Variants in PTCHD4 observed in about 807,000 individuals in gnomAD.
PTCHD4 encodes the protein patched domain containing 4.
In PTCHD4, 33 loss-of-function variants were observed where a neutral mutation model predicts 58.1. The ratio of observed to expected loss-of-function variants is 0.57; its 90% confidence interval spans 0.43 to 0.76. The LOEUF (loss-of-function observed/expected upper bound fraction) is 0.76. Among genes scored for constraint, PTCHD4 ranks in the 30% least tolerant of loss-of-function variants. The probability of loss-of-function intolerance (pLI) is 0.00; values close to 1 mark genes in which losing one functional copy is unlikely to be tolerated. For synonymous variants in PTCHD4, 478 were observed against 409.6 expected (o/e 1.17, Z -2.02); for missense variants, 1,058 against 1,027.1 (o/e 1.03, Z -0.41).
chr6:47,987,875 AG>A, intron 4 of PTCHD4, among the ~76,000 whole-genome samples: 1 of 151,678 alleles, frequency 6.6e-6, no homozygotes. Context: ...CTCCAGGTTC[AG>A]GTGATTCTCC....
chr6:47,879,857 T>C lies in PTCHD4; in HGVS notation c.978A>G (p.Ile326Met). Reference sequence around the variant, plus strand: ...CCATCACATCAGAATAGGCATCTGCTATCCTGTCTTTGAAGGGCAAGTTCT... The same window carrying C: ...CCATCACATCAGAATAGGCATCTGCCATCCTGTCTTTGAAGGGCAAGTTCT... Reference protein sequence around the residue: ...TKENLPFKDRIADAYSDVMVT... With the variant: ...TKENLPFKDRMADAYSDVMVT... The change falls in exon 5 of 5, where the codon ATA becomes ATG. Residue 326 changes from isoleucine (I) to methionine (M), a missense_variant. Physicochemically the swap from Ile to Met is conservative, Grantham distance 10. Transcript: ENST00000339488. 6.2e-7 allele frequency: 1 copy of C among 1,606,312 alleles called. No homozygotes were observed. The highest frequency in any genetic ancestry group is 8.5e-7 in the Non-Finnish European group (1 of 1,176,070).
chr6:48,073,067 T>C (rs2113886046), intron 1 of PTCHD4, among the ~76,000 whole-genome samples: 1 of 152,306 alleles, frequency 6.6e-6, no homozygotes, highest in African/African-American at 2.4e-5. Context: ...AGAAGGTTAA[T>C]TTTCACTAAA....
At chr6:47,976,430 G>C (rs1245144414) in intron 4 of PTCHD4, among the ~76,000 whole-genome samples, 1 of 152,098 alleles carries the variant, frequency 6.6e-6, no homozygotes, top group Non-Finnish European at 1.5e-5. Context: ...CAAAGCAGGT[G>C]GATGATGAGG....
chr6:48,018,769 G>A (rs745689686), intron 3 of PTCHD4, among the ~76,000 whole-genome samples: 1 of 152,132 alleles, frequency 6.6e-6, no homozygotes, highest in African/African-American at 2.4e-5. Flanking sequence ...AGATCACAGT[G>A]GTTCTTAAAA....
intron 4 of PTCHD4, among the ~76,000 whole-genome samples, chr6:47,920,319 T>A (rs760893962): frequency 1.3e-5 from 2 of 152,108 alleles, no homozygotes; most frequent in Non-Finnish European, 2.9e-5. Flanking sequence ...ACGATGATGA[T>A]TTAGGATTTT....
In PTCHD4 at chr6:47,867,096, A is replaced by G. The variant is rs1763587462; in HGVS notation, c.*11207T>C. Among the ~76,000 whole-genome samples the G allele has an allele frequency of 1.3e-5, 2 of 151,804 alleles. No homozygotes were observed. The highest frequency in any genetic ancestry group is 4.1e-4 in the South Asian group (2 of 4,824). The stretch of plus-strand genomic sequence containing the variant: ...CAATCTATAAATCAGGGACAATAAT[A>G]CCTATTCTATTAGGCAGGTATTATT... On this transcript the variant is annotated 3_prime_UTR_variant, in exon 5 of 5. Coordinates refer to ENST00000339488, the MANE Select transcript of PTCHD4 (RefSeq NM_001384253.1).
chr6:48,109,879 A>G (rs1765827636), intron 1 of PTCHD4, among the ~76,000 whole-genome samples: 1 of 152,122 alleles, frequency 6.6e-6, no homozygotes, highest in African/African-American at 2.4e-5. Context: ...CCACTATGAA[A>G]TATTTCCTCA....
At chr6:47,971,190 A>G (rs1255706743) in intron 4 of PTCHD4, among the ~76,000 whole-genome samples, 1 of 152,218 alleles carries the variant, frequency 6.6e-6, no homozygotes, top group East Asian at 1.9e-4. Flanking sequence ...CATTGAAAAG[A>G]ACAGAAAGAA....
rs1306831955 is a variant in PTCHD4 at position 47,944,690 on chromosome 6, G to T, written c.898+63944C>A. Among the ~76,000 whole-genome samples the T allele has an allele frequency of 2.6e-5, 4 of 152,214 alleles. No homozygotes were observed. The East Asian group carries it at 7.7e-4, about 29-fold the overall frequency. On this transcript the variant is annotated intron_variant, in intron 4 of 4. Coordinates refer to ENST00000339488, the MANE Select transcript of PTCHD4 (RefSeq NM_001384253.1). ...TCATCATGTTATTCTTTAGGCTGCT[G>T]TAATTACATCTCTGTTTGCAATGAA...
chr6:48,018,527 G>T (rs1487200585), intron 3 of PTCHD4, among the ~76,000 whole-genome samples: 1 of 152,182 alleles, frequency 6.6e-6, no homozygotes, highest in African/African-American at 2.4e-5. Flanking sequence ...CTTTCTTTGA[G>T]TAATCTCTGG....
In PTCHD4 at chr6:47,865,678, G is replaced by T. The variant is rs915753114; in HGVS notation, c.*12625C>A. ...ATTTCAGGCCAATATTACCTTCATT[G>T]CTGATGACCACAACAGCCTCCTAAC... On this transcript the variant is annotated 3_prime_UTR_variant, in exon 5 of 5. Transcript: ENST00000339488. Among the ~76,000 whole-genome samples the T allele has an allele frequency of 6.6e-6, 1 of 151,740 alleles. No homozygotes were observed. The highest frequency in any genetic ancestry group is 6.6e-5 in the Admixed American group (1 of 15,198).
chr6:48,067,267 G>T (rs1764831911), intron 3 of PTCHD4, among the ~76,000 whole-genome samples: 1 of 152,120 alleles, frequency 6.6e-6, no homozygotes. Flanking sequence ...TCATTTGAGA[G>T]AAAAAATTTA....
intron 4 of PTCHD4, among the ~76,000 whole-genome samples, chr6:47,885,521 T>A (rs1764163828): frequency 6.7e-6 from 1 of 150,284 alleles, no homozygotes; most frequent in Non-Finnish European, 1.5e-5. Context: ...AATATTTAAG[T>A]GTTTTTAAAT....
At chr6:48,110,269 A>G (rs1765838208) in intron 1 of PTCHD4, among the ~76,000 whole-genome samples, 1 of 152,214 alleles carries the variant, frequency 6.6e-6, no homozygotes, top group Non-Finnish European at 1.5e-5. Flanking sequence ...ACACACAATT[A>G]AATACTATTT....
chr6:47,913,674 C>A (rs1254832201), intron 4 of PTCHD4, among the ~76,000 whole-genome samples: 3 of 152,082 alleles, frequency 2.0e-5, no homozygotes, highest in Non-Finnish European at 4.4e-5. Context: ...CCCCAGTGCA[C>A]AGAAACAAAG....
At position 48,036,361 on chromosome 6, in the gene PTCHD4, T is replaced by C. The variant is rs190292923; in HGVS notation, c.418-27247A>G. On this transcript the variant is annotated intron_variant, in intron 3 of 4. Transcript: ENST00000339488. ...GCCCCTCATCCACAGTTTCACATTG[T>C]GCAGTTTCAGTTTCCTGTGGTCAAG... Among the ~76,000 whole-genome samples the C allele has an allele frequency of 3.9e-5, 6 of 152,256 alleles. No homozygotes were observed. The East Asian group carries it at 1.2e-3, about 30-fold the overall frequency.
At chr6:48,010,315 G>A (rs1478928509) in intron 3 of PTCHD4, among the ~76,000 whole-genome samples, 2 of 152,220 alleles carry the variant, frequency 1.3e-5, no homozygotes, top group Non-Finnish European at 2.9e-5. Flanking sequence ...TCTTCCTAGA[G>A]TGGGTAGGGC....
rs750387547 is a variant in PTCHD4, at chr6:48,068,313, T to C, written c.334A>G (p.Ile112Val). ...LHTPGRYGRVILLSPTGDNIL... is the reference protein window; with the variant it reads ...LHTPGRYGRVVLLSPTGDNIL... ...TTGTCCCCGGTTGGGGAGAGGAGGA[T>C]CACCCTGCCATACCTCCCAGGGGTG... Residue 112 changes from isoleucine (I) to valine (V), a missense_variant, in exon 3 of 5, where the codon ATC (isoleucine) becomes GTC (valine). By Grantham distance (29) the Ile-to-Val change is conservative. Coordinates refer to ENST00000339488, the MANE Select transcript of PTCHD4 (RefSeq NM_001384253.1). This position sits in a 1 kb window ranked among gnomAD's most constrained non-coding sequence, Gnocchi z 4.2. 1 of 1,612,938 alleles carries C rather than the reference T, an allele frequency of 6.2e-7. No homozygotes were observed. The highest frequency in any genetic ancestry group is 8.5e-7 in the Non-Finnish European group (1 of 1,179,216).
intron 4 of PTCHD4, among the ~76,000 whole-genome samples, chr6:47,948,814 T>C (rs1404411117): frequency 6.6e-6 from 1 of 152,152 alleles, no homozygotes; most frequent in East Asian, 1.9e-4. Context: ...CTCCAGGTCT[T>C]GCTTAGTCCT....
Sources: gnomAD v4.1 joint callset for allele counts (sites outside exome capture counted in the v4.1 genomes callset) on GRCh38, gnomAD v4.1.1 for gene constraint, Gnocchi (gnomAD v3.1) non-coding constraint, MANE v1.5 for transcripts, NCBI Gene and HGNC (gene_info 2026-07-23, HGNC 2026-07-21) for gene names.